ARMC8: variants seen among roughly 807,000 people sequenced by gnomAD.
The protein encoded by ARMC8 is armadillo repeat containing 8, also known as armadillo repeat-containing protein 8.
ARMC8 carries 20 observed loss-of-function variants against 99.3 expected under a neutral mutation model. The ratio of observed to expected loss-of-function variants is 0.20; its 90% CI spans 0.14 to 0.29. The LOEUF is 0.29. ARMC8 is among the 10% of genes least tolerant of loss of function. The probability of loss-of-function intolerance (pLI) is 1.00; values close to 1 mark genes in which losing one functional copy is unlikely to be tolerated. For synonymous variants in ARMC8, 263 were observed against 278.3 expected (o/e 0.95, Z 0.55); for missense variants, 569 against 809.5 (o/e 0.70, Z 3.60).
rs544287263 is a variant in ARMC8, at chr3:138,252,494, C to T, written c.1134+7311C>T. On this transcript the variant is annotated intron_variant, in intron 12 of 21. Transcript: ENST00000469044. Reference sequence around the variant, plus strand: ...TTTGAGACGGGGTCTCGCACTGTCGCCCAGGCTGGAGTGCTGTGGCACGAT... The same window carrying T: ...TTTGAGACGGGGTCTCGCACTGTCGTCCAGGCTGGAGTGCTGTGGCACGAT... 1.5e-4 allele frequency among the ~76,000 whole-genome samples: 22 copies of T among 149,952 alleles called. No homozygotes were observed. In the South Asian group the frequency reaches 3.8e-3, roughly 26 times the overall value.
intron 12 of ARMC8, among the ~76,000 whole-genome samples, chr3:138,252,280 C>T (rs996352917): frequency 2.6e-5 from 4 of 152,154 alleles, no homozygotes; most frequent in East Asian, 1.9e-4. Context: ...GTTATATTGC[C>T]GTACGACCTT....
intron 18 of ARMC8, among the ~76,000 whole-genome samples, chr3:138,278,873 A>C (rs1427091552): frequency 1.3e-5 from 2 of 152,178 alleles, no homozygotes; most frequent in Non-Finnish European, 2.9e-5. Flanking sequence ...ATGGTAATAA[A>C]ATTTTCGTAT....
At chr3:138,209,785 C>A in intron 1 of ARMC8, 32 bp from the exon 2 acceptor site, 4 of 1,588,584 alleles carry the variant, frequency 2.5e-6, no homozygotes, top group Non-Finnish European at 3.5e-6. Flanking sequence ...TGCATGGCTT[C>A]AGATGTCATA....
intron 1 of ARMC8, among the ~76,000 whole-genome samples, chr3:138,206,121 T>C (rs1415845757): frequency 6.6e-6 from 1 of 152,254 alleles, no homozygotes; most frequent in African/African-American, 2.4e-5. Flanking sequence ...GTATAGTTTA[T>C]ACAATTTGGA....
chr3:138,222,095 C>G, intron 3 of ARMC8, 98 bp downstream of exon 3: 1 of 837,288 alleles, frequency 1.2e-6, no homozygotes, highest in South Asian at 1.8e-5. Context: ...TATTGTCTGT[C>G]TAATTCTTAA....
At chr3:138,289,773 T>A (rs1454522114) in intron 20 of ARMC8, among the ~76,000 whole-genome samples, 3 of 152,136 alleles carry the variant, frequency 2.0e-5, no homozygotes, top group Admixed American at 6.5e-5. Flanking sequence ...AAGGCTGGGT[T>A]GGCTGCATTA....
At chr3:138,265,469 A>G (rs2048189330) in intron 14 of ARMC8, among the ~76,000 whole-genome samples, 1 of 152,198 alleles carries the variant, frequency 6.6e-6, no homozygotes, top group African/African-American at 2.4e-5. Flanking sequence ...TACTAAGCAA[A>G]GCCTTCAAGT....
At chr3:138,286,829 C>G (rs2050472123) in intron 19 of ARMC8, among the ~76,000 whole-genome samples, 1 of 152,170 alleles carries the variant, frequency 6.6e-6, no homozygotes, top group African/African-American at 2.4e-5. Context: ...GTTTCCCAGC[C>G]TAGACCTCTC....
Position 138,295,848 on chromosome 3 carries a change from T to C in ARMC8, c.1989-11T>C, listed in dbSNP as rs1473669751. The C allele has an allele frequency of 6.2e-7, 1 of 1,613,560 alleles. No homozygotes were observed. The highest frequency in any genetic ancestry group is 1.3e-5 in the African/African-American group (1 of 75,056). On this transcript the variant is annotated splice_polypyrimidine_tract_variant and intron_variant, in intron 21 of 21. Transcript: ENST00000469044. ...CTGAGATGATGGCTAACAGGAATTTTGTGATTTCAGGGCAAAGATGGCACT... is the reference window on the plus strand; with the variant it reads ...CTGAGATGATGGCTAACAGGAATTTCGTGATTTCAGGGCAAAGATGGCACT...
chr3:138,247,100 T>C (rs1018737638), intron 12 of ARMC8, among the ~76,000 whole-genome samples: 1 of 152,192 alleles, frequency 6.6e-6, no homozygotes, highest in African/African-American at 2.4e-5. Flanking sequence ...TGGAAAAATT[T>C]TATTTTCAGT....
chr3:138,224,840 T>C (rs79239950), intron 5 of ARMC8, among the ~76,000 whole-genome samples: 1 of 152,226 alleles, frequency 6.6e-6, no homozygotes, highest in Non-Finnish European at 1.5e-5. Context: ...CTCTCAGCTT[T>C]GTAAGAAAGT....
chr3:138,201,477 T>TC (rs1553750153), intron 1 of ARMC8, among the ~76,000 whole-genome samples: 103 of 101,938 alleles, frequency 1.0e-3, no homozygotes, highest in African/African-American at 4.0e-3. Flanking sequence ...TTTTTTTTTT[T>TC]CCTGAGACAG....
At chr3:138,196,083 C>T (rs1430544660) in intron 1 of ARMC8, among the ~76,000 whole-genome samples, 1 of 152,154 alleles carries the variant, frequency 6.6e-6, no homozygotes, top group African/African-American at 2.4e-5. Flanking sequence ...AATTATCGAA[C>T]ACATGCTTCT....
intron 1 of ARMC8, among the ~76,000 whole-genome samples, chr3:138,202,372 T>C (rs2044132800): frequency 6.6e-6 from 1 of 152,220 alleles, no homozygotes; most frequent in African/African-American, 2.4e-5. Flanking sequence ...TTTTGCTGAG[T>C]ATTTAGCTTA....
At chr3:138,274,158 C>A (rs1020496493) in intron 17 of ARMC8, among the ~76,000 whole-genome samples, 2 of 151,740 alleles carry the variant, frequency 1.3e-5, no homozygotes, top group African/African-American at 4.8e-5. Context: ...GTTTGAGGAC[C>A]CCCAATGATT....
At chr3:138,222,521 A>G (rs892972028) in intron 3 of ARMC8, among the ~76,000 whole-genome samples, 1 of 152,224 alleles carries the variant, frequency 6.6e-6, no homozygotes, top group Non-Finnish European at 1.5e-5. Context: ...TAGGCAGGCA[A>G]TGACAGTTAC....
intron 5 of ARMC8, among the ~76,000 whole-genome samples, chr3:138,225,305 T>A (rs766305458): frequency 2.6e-4 from 40 of 152,104 alleles, no homozygotes; most frequent in Non-Finnish European, 5.4e-4. Flanking sequence ...GAGACGGGGT[T>A]TCACCATGTT....
At chr3:138,294,418 C>G (rs999216752) in intron 21 of ARMC8, among the ~76,000 whole-genome samples, 3 of 152,170 alleles carry the variant, frequency 2.0e-5, no homozygotes, top group Non-Finnish European at 4.4e-5. Context: ...CATTCATAAA[C>G]TTGTTTCTGA....
rs191118387 is a variant in ARMC8, at chr3:138,188,656, G to A, written c.45+1057G>A. On this transcript the variant is annotated intron_variant, in intron 1 of 21. Transcript: ENST00000469044. The stretch of plus-strand genomic sequence containing the variant: ...GTAGTTGGATTATAAATGACTTGTC[G>A]GGTTCCTAGAGTCTTGTAACTACAA... The A allele has an allele frequency of 1.2e-4, 156 of 1,279,858 alleles. 1 individual carries two copies. The African/African-American group carries it at 1.7e-3, about 14-fold the overall frequency. 79.3% of individuals were successfully genotyped at this position (1,279,858 alleles called of 1,614,324 possible).
Sources: gnomAD v4.1 joint callset for allele counts (sites outside exome capture counted in the v4.1 genomes callset) on GRCh38, gnomAD v4.1.1 for gene constraint, MANE v1.5 for transcripts, NCBI Gene and HGNC (gene_info 2026-07-23, HGNC 2026-07-21) for gene names.